SPG11: variants seen among roughly 807,000 people sequenced by gnomAD.
The protein encoded by SPG11 is spatacsin.
Under a neutral mutation model 274.0 loss-of-function variants are expected in SPG11, and 222 were observed. The observed-to-expected ratio is 0.81, with a 90% CI of 0.73 to 0.91. SPG11 has a LOEUF of 0.91. Among genes scored for constraint, SPG11 ranks in the 40% least tolerant of loss-of-function variants. SPG11 has a pLI of 0.00. For missense variants in SPG11, 3,114 were observed against 2,872.7 expected, an observed-to-expected ratio of 1.08 and a Z score of -1.92; for synonymous variants, 1,144 against 1,039.7, an observed-to-expected ratio of 1.10 and a Z score of -1.93.
At chr15:44,614,803 A>G (rs1000198085) in intron 16 of SPG11, among the ~76,000 whole-genome samples, 7 of 152,218 alleles carry the variant, frequency 4.6e-5, no homozygotes, top group Non-Finnish European at 8.8e-5. Context: ...TCACATATTA[A>G]AGACTACTTC....
At chr15:44,583,296 A>G (rs1450174793) in intron 30 of SPG11, among the ~76,000 whole-genome samples, 2 of 152,200 alleles carry the variant, frequency 1.3e-5, no homozygotes, top group Non-Finnish European at 2.9e-5. Context: ...CCTGGCCAAC[A>G]TGGTGAAACC....
At chr15:44,573,405 A>G (rs2082465609) in intron 32 of SPG11, 142 bp downstream of exon 32, 1 of 864,052 alleles carries the variant, frequency 1.2e-6, no homozygotes, top group Admixed American at 2.1e-5. Context: ...ATTTTGTTTT[A>G]TTTAAACAAA....
intron 38 of SPG11, among the ~76,000 whole-genome samples, chr15:44,565,557 G>C (rs1308309197): frequency 6.6e-6 from 1 of 152,184 alleles, no homozygotes; most frequent in African/African-American, 2.4e-5. Context: ...AGCAGGCCAT[G>C]GGCCAGTACC....
At position 44,652,202 on chromosome 15, in the gene SPG11, C is replaced by T. The variant is rs963918975; in HGVS notation, c.934G>A (p.Gly312Ser). 1 of 1,613,914 alleles carries T rather than the reference C, an allele frequency of 6.2e-7. No individual in the cohort carries two copies. The highest frequency in any genetic ancestry group is 1.3e-5 in the African/African-American group (1 of 74,880). The stretch of plus-strand genomic sequence containing the variant: ...TTAACAGGATCATCTTCATCTACGC[C>T]CTTAGGTCCTTGAATAGGAAGATCT... ...LEDLPIQGPK[G>S]VDEDDPVNSA... is the part of the protein sequence containing the mutation. Residue 312 changes from glycine to serine, a missense_variant, in exon 5 of 40, where the codon GGC becomes AGC. Gly to Ser is a moderately conservative substitution (Grantham distance 56). Transcript: ENST00000261866.
chr15:44,624,355 G>A (rs1337047710), intron 11 of SPG11, among the ~76,000 whole-genome samples: 1 of 151,366 alleles, frequency 6.6e-6, no homozygotes, highest in Admixed American at 6.6e-5. Flanking sequence ...GAGAGAGAGA[G>A]GAAAACCTGC....
chr15:44,649,811 C>T (rs945818023), intron 6 of SPG11, among the ~76,000 whole-genome samples: 2 of 151,570 alleles, frequency 1.3e-5, no homozygotes, highest in African/African-American at 4.9e-5. Flanking sequence ...AGGAGAATCA[C>T]TTGAACCTGG....
intron 33 of SPG11, among the ~76,000 whole-genome samples, chr15:44,571,496 C>CTTTT (rs796235342): frequency 4.8e-5 from 6 of 126,130 alleles, no homozygotes; most frequent in Admixed American, 7.9e-5. Flanking sequence ...AATTTCTTTT[C>CTTTT]TTTTTTTTTT....
intron 8 of SPG11, among the ~76,000 whole-genome samples, chr15:44,631,165 T>C (rs1440067163): frequency 1.5e-4 from 23 of 152,194 alleles, no homozygotes; most frequent in Admixed American, 1.5e-3. Flanking sequence ...ATTATATATA[T>C]GTGAAATTAC....
At position 44,584,427 on chromosome 15, in the gene SPG11, A is replaced by T. The variant is rs1177368234; in HGVS notation, c.5253T>A (p.Phe1751Leu). The change falls in exon 30 of 40, where the codon TTT (phenylalanine) becomes TTA (leucine). Residue 1751 changes from phenylalanine (F) to leucine (L), a missense_variant. Physicochemically the swap from Phe to Leu is conservative, Grantham distance 22. Transcript: ENST00000261866. ...NSISSKAASS[F>L]FSTQAHVACE... is the part of the protein sequence containing the mutation. ...ATGCCACATGGGCCTGGGTTGAGAAAAAGGAAGAAGCTGCTTTGCTTGAAA... is the reference window on the plus strand; with the variant it reads ...ATGCCACATGGGCCTGGGTTGAGAATAAGGAAGAAGCTGCTTTGCTTGAAA... The T allele has an allele frequency of 6.2e-7, 1 of 1,614,224 alleles. No homozygotes were observed. Among genetic ancestry groups the T allele is most frequent in the Admixed American group, 1.7e-5 (1 of 60,022 alleles).
rs779573001 is a variant in SPG11 at position 44,620,250 on chromosome 15, A to G, written c.2774T>C (p.Ile925Thr). ...NKWPLLTVDVINQNTSCNNYM... is the reference protein window; with the variant it reads ...NKWPLLTVDVTNQNTSCNNYM... ...GTTGTTACAGGAAGTATTCTGGTTA[A>G]TAACATCAACAGTCAGAAGGGGCCA... is the stretch of plus-strand genomic sequence containing the variant. The change falls in exon 15 of 40, where the codon ATT becomes ACT. Residue 925 changes from isoleucine to threonine, a missense_variant. Transcript: ENST00000261866. 1.1e-5 allele frequency: 17 copies of G among 1,614,146 alleles called. No individual in the cohort carries two copies. The highest frequency in any genetic ancestry group is 1.4e-5 in the Non-Finnish European group (17 of 1,180,024).
At chr15:44,586,094 C>T (rs2082758941) in intron 28 of SPG11, among the ~76,000 whole-genome samples, 1 of 149,640 alleles carries the variant, frequency 6.7e-6, no homozygotes, top group Non-Finnish European at 1.5e-5. Flanking sequence ...AAGGGATCCT[C>T]CTGCCTCGGC....
rs1484117125 is a variant in SPG11, at chr15:44,608,459, G to T, written c.3438C>A (p.Ile1146=). 1.9e-6 allele frequency: 3 copies of T among 1,614,158 alleles called. 1 individual carries two copies. The Admixed American group carries it at 5.0e-5, about 27-fold the overall frequency. The change falls in exon 19 of 40, where the codon ATC becomes ATA. Residue 1146 remains isoleucine, a synonymous_variant. Coordinates refer to ENST00000261866, the MANE Select transcript of SPG11 (RefSeq NM_025137.4). ...PPSVLPSDIT[I]YHLIQSLSPF... is the part of the protein sequence containing the mutation. ...AATACTGTACCTGAATAAGGTGGTA[G>T]ATTGTAATATCAGATGGCAGGACAC...
intron 30 of SPG11, among the ~76,000 whole-genome samples, chr15:44,580,080 A>T (rs1207019099): frequency 6.6e-6 from 1 of 152,240 alleles, no homozygotes; most frequent in Non-Finnish European, 1.5e-5. Flanking sequence ...CCATTTAAAA[A>T]AATTTTTTAA....
chr15:44,652,909 G>A (rs947308605), intron 4 of SPG11, among the ~76,000 whole-genome samples: 1 of 151,918 alleles, frequency 6.6e-6, no homozygotes, highest in African/African-American at 2.4e-5. Context: ...TGCCTGCCTC[G>A]GCCTCCAGTC....
Position 44,585,670 on chromosome 15 carries a change from G to C in SPG11, c.5087C>G (p.Ala1696Gly). ...AACCAAGTTGTCCACAGGTAACTCA[G>C]CTAATTCTGCTACCCTCCTGGCCAA... Reference protein sequence around the residue: ...FALARRVAELAELPVDNLVIK... With the variant: ...FALARRVAELGELPVDNLVIK... Residue 1696 changes from alanine to glycine, a missense_variant, in exon 29 of 40, where the codon GCT (alanine) becomes GGT (glycine). By Grantham distance (60) the Ala-to-Gly change is moderately conservative. Coordinates refer to ENST00000261866, the MANE Select transcript of SPG11 (RefSeq NM_025137.4). 2.5e-6 allele frequency: 4 copies of C among 1,611,292 alleles called. No individual in the cohort carries two copies. Among genetic ancestry groups the C allele is most frequent in the Non-Finnish European group, 3.4e-6 (4 of 1,179,100 alleles).
At chr15:44,607,829 T>C (rs1346799583) in intron 19 of SPG11, among the ~76,000 whole-genome samples, 2 of 152,218 alleles carry the variant, frequency 1.3e-5, no homozygotes, top group Admixed American at 1.3e-4. Flanking sequence ...TAAAAAGCAC[T>C]GATTTAAACA....
intron 15 of SPG11, among the ~76,000 whole-genome samples, chr15:44,618,479 T>G (rs1225677723): frequency 2.4e-5 from 3 of 125,704 alleles, no homozygotes; most frequent in African/African-American, 9.4e-5. Context: ...ATAGCGCCAC[T>G]GCACTCCATC....
intron 15 of SPG11, among the ~76,000 whole-genome samples, chr15:44,619,618 AAACTT>A (rs1424397002): frequency 2.0e-5 from 3 of 152,206 alleles, no homozygotes; most frequent in Admixed American, 2.0e-4. Context: ...GCCCTACTGA[AAACTT>A]AACATTTCTA....
intron 8 of SPG11, among the ~76,000 whole-genome samples, chr15:44,631,766 A>G (rs2084068851): frequency 6.6e-6 from 1 of 150,802 alleles, no homozygotes; most frequent in Non-Finnish European, 1.5e-5. Context: ...GGGCCTCCCA[A>G]AGTGTTGGGA....
Sources: gnomAD v4.1 joint callset for allele counts (sites outside exome capture counted in the v4.1 genomes callset) on GRCh38, gnomAD v4.1.1 for gene constraint, MANE v1.5 for transcripts, NCBI Gene and HGNC (gene_info 2026-07-23, HGNC 2026-07-21) for gene names.